The following CLSTN1 variants were observed in gnomAD, a reference collection of about 807,000 sequenced individuals.
CLSTN1 encodes the protein calsyntenin 1.
A neutral mutation model predicts 108.3 loss-of-function variants in CLSTN1; 28 were observed. The observed-to-expected ratio is 0.26, with a 90% CI of 0.19 to 0.35. The LOEUF is 0.35. CLSTN1 is among the 10% of genes least tolerant of loss of function. The pLI, the probability that CLSTN1 is intolerant of heterozygous loss-of-function variation, is 1.00. For synonymous variants in CLSTN1, 524 were observed against 534.9 expected (o/e 0.98, Z 0.28); for missense variants, 1,157 against 1,302.6 (o/e 0.89, Z 1.72).
chr1:9,755,451 CA>C, intron 3 of CLSTN1, 142 bp from the exon 4 acceptor site: 1 of 608,834 alleles, frequency 1.6e-6, no homozygotes, highest in East Asian at 2.9e-5. Flanking sequence ...GTGGACAAAG[CA>C]GGGGCACTGT....
At chr1:9,812,972 T>A (rs1654824137) in intron 1 of CLSTN1, among the ~76,000 whole-genome samples, 1 of 151,822 alleles carries the variant, frequency 6.6e-6, no homozygotes, top group African/African-American at 2.4e-5. Flanking sequence ...AAGACCAGCC[T>A]GGCCAACATG....
intron 7 of CLSTN1, among the ~76,000 whole-genome samples, chr1:9,745,858 T>C (rs1651244499): frequency 1.4e-5 from 2 of 139,212 alleles, no homozygotes; most frequent in Admixed American, 1.6e-4. Flanking sequence ...AGCCTTGACC[T>C]CCTGAGCTCA....
At chr1:9,752,861 C>CA (rs569248294) in intron 4 of CLSTN1, among the ~76,000 whole-genome samples, 9 of 151,578 alleles carry the variant, frequency 5.9e-5, no homozygotes, top group African/African-American at 1.9e-4. Context: ...GACTCTGCCT[C>CA]AAAAAATAAG....
intron 2 of CLSTN1, among the ~76,000 whole-genome samples, chr1:9,766,642 A>G (rs1056900677): frequency 6.6e-6 from 1 of 152,240 alleles, no homozygotes; most frequent in Admixed American, 6.5e-5. Context: ...CCTGGGTGAC[A>G]GAGCGAGACC....
intron 4 of CLSTN1, 144 bp from the exon 5 acceptor site, chr1:9,751,825 T>C (rs201513573): frequency 7.5e-4 from 502 of 673,546 alleles, no homozygotes; most frequent in Admixed American, 9.9e-4. Context: ...ATTCATATGA[T>C]GAAGTCAAAA....
Position 9,743,910 on chromosome 1 carries a change from C to A in CLSTN1, c.1330G>T (p.Ala444Ser). The A allele has an allele frequency of 1.2e-6, 2 of 1,614,108 alleles. No homozygotes were observed. Among genetic ancestry groups the A allele is most frequent in the Non-Finnish European group, 1.7e-6 (2 of 1,180,012 alleles). Residue 444 changes from alanine (A) to serine (S), a missense_variant, in exon 9 of 19, where the codon GCA becomes TCA. Transcript: ENST00000377298. ...TGATTCAACTTCCAGTGGAACTCTG[C>A]AGGTCTGTATTTCTTCTCCTCAGAA... ...DPSEEKKYRP[A>S]EFHWKLNQVC...
At chr1:9,801,434 G>C (rs747258067) in intron 1 of CLSTN1, among the ~76,000 whole-genome samples, 1 of 152,140 alleles carries the variant, frequency 6.6e-6, no homozygotes, top group Non-Finnish European at 1.5e-5. Context: ...AAAACGAAAA[G>C]TACCAGACCC....
intron 1 of CLSTN1, among the ~76,000 whole-genome samples, chr1:9,815,197 G>A (rs1028101945): frequency 2.0e-5 from 3 of 152,184 alleles, no homozygotes; most frequent in East Asian, 3.8e-4. Flanking sequence ...ATACAAAGGC[G>A]TGATAAAATT....
chr1:9,808,284 C>T (rs887096155), intron 1 of CLSTN1, among the ~76,000 whole-genome samples: 2 of 152,172 alleles, frequency 1.3e-5, no homozygotes, highest in African/African-American at 4.8e-5. Context: ...AGTTCAAAGC[C>T]ATGTTGTTCA....
At position 9,823,179 on chromosome 1, in the gene CLSTN1, C is replaced by T. The variant is rs1236632906; in HGVS notation, c.91+464G>A. 2.0e-5 allele frequency among the ~76,000 whole-genome samples: 3 copies of T among 152,196 alleles called. No homozygotes were observed. Among genetic ancestry groups the T allele is most frequent in the Admixed American group, 2.0e-4 (3 of 15,286 alleles). ...TATGTAAGCACACACCAAAACTGTG[C>T]GTGCACCCCCCGCCTGATGCACATC... On this transcript the variant is annotated intron_variant, in intron 1 of 18. Transcript: ENST00000377298. This position sits in a 1 kb window ranked among gnomAD's most constrained non-coding sequence, Gnocchi z 6.3.
chr1:9,802,756 AATG>A (rs1654335549), intron 1 of CLSTN1, among the ~76,000 whole-genome samples: 2 of 152,104 alleles, frequency 1.3e-5, no homozygotes, highest in African/African-American at 2.4e-5. Context: ...GCCTGGGCTA[AATG>A]ATTTCTCAAG....
chr1:9,735,492 T>C lies in CLSTN1; in HGVS notation c.1858A>G (p.Arg620Gly). Residue 620 changes from arginine to glycine, a missense_variant, in exon 13 of 19, where the codon AGA becomes GGA. Transcript: ENST00000377298. ...SRQFPTPGIRRLKITSTIKCF... is the reference protein window; with the variant it reads ...SRQFPTPGIRGLKITSTIKCF... ...TTGATTGTGCTGGTGATTTTGAGTCTGCGAATTCCGGGCGTGGGGAACTGC... is the reference window on the plus strand; with the variant it reads ...TTGATTGTGCTGGTGATTTTGAGTCCGCGAATTCCGGGCGTGGGGAACTGC... The C allele has an allele frequency of 6.2e-7, 1 of 1,614,172 alleles. No individual in the cohort carries two copies. Among genetic ancestry groups the C allele is most frequent in the Non-Finnish European group, 8.5e-7 (1 of 1,180,022 alleles).
In CLSTN1 at chr1:9,734,012, G is replaced by C. The variant is rs1650545254; in HGVS notation, c.2241C>G (p.Gly747=). ...EVDMARLQQK[G]IEVSSSELGM... Reference sequence around the variant, plus strand: ...CCAGTTCAGAGCTGCTCACTTCAATGCCCTTCTGCTGCAGGCGGGCCATGT... The same window carrying C: ...CCAGTTCAGAGCTGCTCACTTCAATCCCCTTCTGCTGCAGGCGGGCCATGT... The change falls in exon 15 of 19, where the codon GGC becomes GGG. Residue 747 remains glycine (G), a synonymous_variant. Coordinates refer to ENST00000377298, the MANE Select transcript of CLSTN1 (RefSeq NM_001009566.3). The surrounding 1 kb of genome is among the most constrained non-coding windows in gnomAD (Gnocchi z 4.8). The C allele has an allele frequency of 6.2e-7, 1 of 1,613,994 alleles. No individual in the cohort carries two copies. Among genetic ancestry groups the C allele is most frequent in the Non-Finnish European group, 8.5e-7 (1 of 1,180,046 alleles).
chr1:9,817,656 G>C (rs540242802), intron 1 of CLSTN1, among the ~76,000 whole-genome samples: 3 of 152,236 alleles, frequency 2.0e-5, no homozygotes, highest in African/African-American at 7.2e-5. Flanking sequence ...AGGCATTTAA[G>C]CTGCTTTAAA....
At chr1:9,817,647 G>A (rs909380275) in intron 1 of CLSTN1, among the ~76,000 whole-genome samples, 9 of 152,076 alleles carry the variant, frequency 5.9e-5, no homozygotes, top group African/African-American at 1.7e-4. Flanking sequence ...ATGTTTTATA[G>A]GCATTTAAGC....
At chr1:9,792,638 G>A (rs1371501633) in intron 1 of CLSTN1, among the ~76,000 whole-genome samples, 2 of 151,370 alleles carry the variant, frequency 1.3e-5, no homozygotes, top group Admixed American at 6.7e-5. Context: ...CCTTGGCTAC[G>A]GTATCCCTGG....
Position 9,773,390 on chromosome 1 carries a change from G to A in CLSTN1, c.96C>T (p.Asn32=), listed in dbSNP as rs201110856. ...TGGGCTCCAGCCAGGGCTTGTGCTT[G>A]TTAACTGTGTTTAAAACAAGAGAAA... ...CGGGVWAARV[N]KHKPWLEPTY... Residue 32 remains asparagine (N), a synonymous_variant, in exon 2 of 19, where the codon AAC becomes AAT. Transcript: ENST00000377298. 4 of 1,601,448 alleles carry A rather than the reference G, an allele frequency of 2.5e-6. No individual in the cohort carries two copies. The highest frequency in any genetic ancestry group is 1.8e-5 in the Admixed American group (1 of 56,384).
At position 9,751,635 on chromosome 1, in the gene CLSTN1, C is replaced by T. The variant is rs749102307; in HGVS notation, c.487G>A (p.Val163Met). The part of the protein sequence containing the change: ...QVNDVNEYAP[V>M]FKEKSYKATV... ...GCTTTGTAGGACTTCTCCTTGAACA[C>T]GGGCGCGTACTCATTCACGTCGTTC... The change falls in exon 5 of 19, where the codon GTG becomes ATG. Residue 163 changes from valine (V) to methionine (M), a missense_variant. Physicochemically the swap from Val to Met is conservative, Grantham distance 21 (BLOSUM62 1). Coordinates refer to ENST00000377298, the MANE Select transcript of CLSTN1 (RefSeq NM_001009566.3). The T allele has an allele frequency of 1.2e-5, 19 of 1,614,010 alleles. No homozygotes were observed. The African/African-American group carries it at 1.2e-4, about 10-fold the overall frequency.
At chr1:9,733,690 G>A in intron 15 of CLSTN1, 144 bp from the exon 16 acceptor site, 1 of 973,970 alleles carries the variant, frequency 1.0e-6, no homozygotes, top group Non-Finnish European at 1.5e-6. Flanking sequence ...TCTAGCCATG[G>A]GAATAAATGC....
Sources: allele counts gnomAD v4.1 joint callset (sites outside exome capture counted in the v4.1 genomes callset), GRCh38; gene constraint gnomAD v4.1.1; non-coding constraint Gnocchi (gnomAD v3.1); transcripts MANE v1.5; gene names NCBI Gene and HGNC (gene_info 2026-07-23, HGNC 2026-07-21).